The following PLA2R1 variants were observed in gnomAD, a reference collection of about 807,000 sequenced individuals.
PLA2R1 encodes secretory phospholipase A2 receptor.
PLA2R1 carries 158 observed loss-of-function variants against 195.9 expected under a neutral mutation model. The observed-to-expected ratio is 0.81, with a 90% CI of 0.71 to 0.92. PLA2R1 has a LOEUF of 0.92. Among genes scored for constraint, PLA2R1 ranks in the 40% least tolerant of loss-of-function variants. The pLI is 0.00. For synonymous variants in PLA2R1, 586 were observed against 598.2 expected (o/e 0.98, Z 0.30); for missense variants, 1,626 against 1,764.6 (o/e 0.92, Z 1.41).
chr2:159,934,290 T>A lies in PLA2R1; in HGVS notation c.*7488A>T, dbSNP rs6432566. ...TATGAGAATTAGAAGTACTGACAAGTCAGGGAAGTGACACAAAAGAAGAAT... is the reference window on the plus strand; with the variant it reads ...TATGAGAATTAGAAGTACTGACAAGACAGGGAAGTGACACAAAAGAAGAAT... On this transcript the variant is annotated 3_prime_UTR_variant, in exon 30 of 30. Coordinates refer to ENST00000283243, the MANE Select transcript of PLA2R1 (RefSeq NM_007366.5). 0.87 allele frequency: 132,388 copies of A among 152,262 alleles called. 59,231 individuals carry two copies. The highest frequency in any genetic ancestry group is 1 in the East Asian group (5,182 of 5,182). The allele number at this position is 152,262 out of a possible 1,614,324, so 9.4% of individuals were successfully genotyped here.
chr2:159,964,709 T>TA lies in PLA2R1; in HGVS notation c.2904+2829dup, dbSNP rs1553836296. Among the ~76,000 whole-genome samples the TA allele has an allele frequency of 3.4e-3, 509 of 151,632 alleles. 3 individuals are homozygous for TA. The highest frequency in any genetic ancestry group is 0.012 in the African/African-American group (486 of 41,370). On this transcript the variant is annotated intron_variant, in intron 20 of 29. Coordinates refer to ENST00000283243, the MANE Select transcript of PLA2R1 (RefSeq NM_007366.5). ...AAGCTGACATGGCAACCCTTTTTTT[T>TA]AAAAAAAAATTATTAAATACTTCAT...
intron 11 of PLA2R1, among the ~76,000 whole-genome samples, chr2:159,999,711 T>G (rs1343993538): frequency 6.6e-6 from 1 of 152,150 alleles, no homozygotes; most frequent in Non-Finnish European, 1.5e-5. Context: ...TTGTAAAAGT[T>G]CATTAAATGA....
chr2:159,940,925 AAG>A lies in PLA2R1; in HGVS notation c.*851_*852del, dbSNP rs1687056563. ...TTACATTTTATATCTTCCAGTTATT[AAG>A]AGTGTTACATATTATTTTATATATT... On this transcript the variant is annotated 3_prime_UTR_variant, in exon 30 of 30. Transcript: ENST00000283243. The A allele has an allele frequency of 6.6e-6, 1 of 152,186 alleles. No homozygotes were observed. Among genetic ancestry groups the A allele is most frequent in the African/African-American group, 2.4e-5 (1 of 41,460 alleles). The allele number at this position is 152,186 out of a possible 1,614,324, so 9.4% of individuals were successfully genotyped here. A position where few individuals can be genotyped will look rare whatever the true frequency, so the allele number is the denominator to read the frequency against.
the PLA2R1 span, among the ~76,000 whole-genome samples, chr2:159,924,204 CCT>C: frequency 2.0e-4 from 31 of 152,282 alleles, no homozygotes; most frequent in African/African-American, 7.0e-4. Flanking sequence ...GTTGAATCTC[CCT>C]CTGACTGCCT....
chr2:159,946,252 C>A (rs1687382723), intron 27 of PLA2R1: 1 of 984,006 alleles, frequency 1.0e-6, no homozygotes, highest in Non-Finnish European at 1.2e-6. Flanking sequence ...GTAGGCTCAC[C>A]CCCAACCTTG....
intron 6 of PLA2R1, among the ~76,000 whole-genome samples, chr2:160,024,327 C>A (rs1335010503): frequency 6.6e-6 from 1 of 152,152 alleles, no homozygotes; most frequent in East Asian, 1.9e-4. Flanking sequence ...CTGGTGTGGC[C>A]AAGTTGCCAC....
chr2:159,963,133 T>TTGG (rs1688564233), intron 20 of PLA2R1, among the ~76,000 whole-genome samples: 1 of 152,192 alleles, frequency 6.6e-6, no homozygotes, highest in African/African-American at 2.4e-5. Context: ...GAAATGTGAT[T>TTGG]TGGAGATTAG....
At chr2:160,000,354 T>C (rs1325496633) in intron 11 of PLA2R1, among the ~76,000 whole-genome samples, 1 of 152,200 alleles carries the variant, frequency 6.6e-6, no homozygotes, top group African/African-American at 2.4e-5. Flanking sequence ...TCATGCAGGT[T>C]AGTCGTTAGT....
rs762154760 is a variant in PLA2R1, at chr2:159,976,668, G to A, written c.2437+17C>T. On this transcript the variant is annotated intron_variant, in intron 16 of 29. Transcript: ENST00000283243. Reference sequence around the variant, plus strand: ...ATTAATAATTAGAAATTCAAGAGCTGCCAGAGTCATTCTTACCGTACTGGT... The same window carrying A: ...ATTAATAATTAGAAATTCAAGAGCTACCAGAGTCATTCTTACCGTACTGGT... The A allele has an allele frequency of 3.1e-5, 47 of 1,537,272 alleles. No homozygotes were observed. The highest frequency in any genetic ancestry group is 8.4e-5 in the Admixed American group (5 of 59,826).
In PLA2R1 at chr2:159,976,051, G is replaced by T; in HGVS notation, c.2595+17C>A. The T allele has an allele frequency of 1.3e-6, 2 of 1,594,650 alleles. No individual in the cohort carries two copies. The highest frequency in any genetic ancestry group is 1.1e-5 in the South Asian group (1 of 89,310). ...TGCTAAACTCTGAATTTTTCGTGGT[G>T]AGTTATGTTCAAGTACCGCTTTTAT... On this transcript the variant is annotated intron_variant, in intron 17 of 29. Coordinates refer to ENST00000283243, the MANE Select transcript of PLA2R1 (RefSeq NM_007366.5).
chr2:160,059,895 T>C (rs1695836216), intron 1 of PLA2R1, among the ~76,000 whole-genome samples: 1 of 152,188 alleles, frequency 6.6e-6, no homozygotes, highest in South Asian at 2.1e-4. Flanking sequence ...TTGGCTCCCA[T>C]AATTCAATTA....
At chr2:160,046,336 A>G (rs877635) in intron 1 of PLA2R1, among the ~76,000 whole-genome samples, 23 of 151,992 alleles carry the variant, frequency 1.5e-4, no homozygotes, top group Admixed American at 9.2e-4. Flanking sequence ...CTTCCTGTCT[A>G]TTCTTCAAAA....
At chr2:159,969,662 C>T (rs1398475518) in intron 18 of PLA2R1, among the ~76,000 whole-genome samples, 2 of 152,064 alleles carry the variant, frequency 1.3e-5, no homozygotes, top group African/African-American at 4.8e-5. Flanking sequence ...CTACCTTAGC[C>T]CCCCCAAGTA....
chr2:159,956,928 A>G (rs533069205), intron 20 of PLA2R1, among the ~76,000 whole-genome samples: 2 of 152,250 alleles, frequency 1.3e-5, no homozygotes, highest in African/African-American at 4.8e-5. Context: ...TTCTTCCTAA[A>G]AAGGAGCCAC....
chr2:159,958,803 C>A (rs998527019), intron 20 of PLA2R1, among the ~76,000 whole-genome samples: 1 of 152,156 alleles, frequency 6.6e-6, no homozygotes, highest in Non-Finnish European at 1.5e-5. Context: ...TGGGTAGAGA[C>A]AAAGATGCTG....
At chr2:160,011,256 T>C (rs1292249464) in intron 10 of PLA2R1, among the ~76,000 whole-genome samples, 2 of 152,254 alleles carry the variant, frequency 1.3e-5, no homozygotes, top group African/African-American at 4.8e-5. Flanking sequence ...CTTGGGTCAC[T>C]GTGGCACTAT....
chr2:159,988,156 CAAA>C (rs80154749), intron 11 of PLA2R1, among the ~76,000 whole-genome samples: 57,310 of 146,138 alleles, frequency 0.39, 12,026 homozygotes, highest in African/African-American at 0.54. Flanking sequence ...CATATGACAG[CAAA>C]AAAAAAAAAA....
chr2:159,949,667 C>T lies in PLA2R1; in HGVS notation c.3650G>A (p.Arg1217His), dbSNP rs372571683. Residue 1217 changes from arginine (R) to histidine (H), a missense_variant, in exon 25 of 30, where the codon CGC (arginine) becomes CAC (histidine). Transcript: ENST00000283243. ...GDCVFADSNG[R>H]WHSTACESFL... ...TGACTCGCAGGCTGTGCTATGCCAG[C>T]GTCCGTTGCTGTCGGCAAAAACGCA... The T allele has an allele frequency of 4.0e-5, 65 of 1,613,902 alleles. 1 individual carries two copies. The highest frequency in any genetic ancestry group is 1.6e-4 in the Middle Eastern group (1 of 6,080).
chr2:159,973,443 G>A (rs1689320180), intron 17 of PLA2R1, among the ~76,000 whole-genome samples: 1 of 126,250 alleles, frequency 7.9e-6, no homozygotes, highest in South Asian at 2.9e-4. Flanking sequence ...TTACAAGGCA[G>A]ATGGCAGATG....
Sources: allele counts gnomAD v4.1 joint callset (sites outside exome capture counted in the v4.1 genomes callset), GRCh38; gene constraint gnomAD v4.1.1; transcripts MANE v1.5; gene names NCBI Gene and HGNC (gene_info 2026-07-23, HGNC 2026-07-21).